NREP: variants seen among roughly 807,000 people sequenced by gnomAD.
NREP encodes neuronal regeneration related protein.
In NREP, 5 loss-of-function variants were observed where a neutral mutation model predicts 8.6. The observed-to-expected ratio is 0.58, with a 90% CI of 0.30 to 1.22. The LOEUF (loss-of-function observed/expected upper bound fraction) is 1.22. Among genes scored for constraint, NREP ranks in the 50% most tolerant of loss-of-function variants. The pLI, the probability that NREP is intolerant of heterozygous loss-of-function variation, is 0.07. For missense variants in NREP, 86 were observed against 82.5 expected, an observed-to-expected ratio of 1.04 and a Z score of -0.17; for synonymous variants, 27 against 28.0, an observed-to-expected ratio of 0.96 and a Z score of 0.11.
At chr5:111,939,048 CAGAT>C (rs1213427872) in intron 2 of NREP, among the ~76,000 whole-genome samples, 1 of 151,994 alleles carries the variant, frequency 6.6e-6, no homozygotes, top group African/African-American at 2.4e-5. Context: ...GATAGACTCA[CAGAT>C]AGATTTTTTG....
At chr5:111,814,175 A>T (rs547331966) in intron 2 of NREP, among the ~76,000 whole-genome samples, 9 of 152,256 alleles carry the variant, frequency 5.9e-5, no homozygotes, top group African/African-American at 2.2e-4. Context: ...AGTTTCAGTT[A>T]TGCAAATATA....
At chr5:111,765,003 C>T (rs547906762) in intron 2 of NREP, among the ~76,000 whole-genome samples, 2 of 152,150 alleles carry the variant, frequency 1.3e-5, no homozygotes, top group South Asian at 2.1e-4. Context: ...AAATGAAGGC[C>T]GTTACATAGG....
upstream of NREP, among the ~76,000 whole-genome samples, chr5:111,762,466 C>G (rs1029179044): frequency 2.0e-5 from 3 of 151,926 alleles, no homozygotes; most frequent in Admixed American, 6.6e-5. Flanking sequence ...CACACCACCC[C>G]CAAAATGTAC....
intron 2 of NREP, among the ~76,000 whole-genome samples, chr5:111,873,695 C>A (rs993745683): frequency 6.6e-6 from 1 of 152,146 alleles, no homozygotes; most frequent in Non-Finnish European, 1.5e-5. Flanking sequence ...TGGGCCTACC[C>A]AAATAATCCA....
intron 2 of NREP, among the ~76,000 whole-genome samples, chr5:111,916,115 T>C (rs1755050355): frequency 6.6e-6 from 1 of 151,976 alleles, no homozygotes; most frequent in Non-Finnish European, 1.5e-5. Context: ...AGAAGCCCAT[T>C]TCAGCTGATT....
At chr5:111,786,242 G>A (rs566905503) in intron 2 of NREP, among the ~76,000 whole-genome samples, 7 of 152,256 alleles carry the variant, frequency 4.6e-5, no homozygotes, top group East Asian at 3.9e-4. Context: ...CCCTTTTGCC[G>A]CCTTGTGAAG....
At chr5:111,844,419 G>C (rs539190029) in intron 2 of NREP, among the ~76,000 whole-genome samples, 1 of 151,300 alleles carries the variant, frequency 6.6e-6, no homozygotes, top group African/African-American at 2.4e-5. Flanking sequence ...TATTTTTACA[G>C]TTAATGAATA....
chr5:111,738,887 G>A (rs1403619089), intron 2 of NREP: 1 of 152,146 alleles, frequency 6.6e-6, no homozygotes, highest in Non-Finnish European at 1.5e-5. Context: ...CTTCTAAGAA[G>A]AGATTAGGAC....
chr5:111,769,239 C>T (rs1453324908), intron 2 of NREP, among the ~76,000 whole-genome samples: 1 of 152,204 alleles, frequency 6.6e-6, no homozygotes, highest in East Asian at 1.9e-4. Flanking sequence ...ATTTATTGAG[C>T]ATCCACTTGC....
intron 2 of NREP, among the ~76,000 whole-genome samples, chr5:111,771,700 T>C (rs1751233775): frequency 6.6e-6 from 1 of 150,838 alleles, no homozygotes; most frequent in Non-Finnish European, 1.5e-5. Context: ...GAGGTGGAGG[T>C]TGTGGTGAGC....
At chr5:111,925,161 A>G (rs1165148447) in intron 2 of NREP, among the ~76,000 whole-genome samples, 1 of 152,090 alleles carries the variant, frequency 6.6e-6, no homozygotes, top group Non-Finnish European at 1.5e-5. Context: ...AGAATCACCC[A>G]GGGCTCCTGG....
At chr5:111,932,312 T>A (rs1755563519) in intron 2 of NREP, among the ~76,000 whole-genome samples, 1 of 151,988 alleles carries the variant, frequency 6.6e-6, no homozygotes, top group African/African-American at 2.4e-5. Flanking sequence ...GAGAAAGAGC[T>A]CATCACAATA....
At chr5:111,787,991 T>G (rs897770073) in intron 2 of NREP, among the ~76,000 whole-genome samples, 9 of 152,066 alleles carry the variant, frequency 5.9e-5, no homozygotes, top group Admixed American at 2.6e-4. Flanking sequence ...CCAGCTACTT[T>G]GGAAGCTGGG....
chr5:111,823,679 T>C (rs575579669), intron 2 of NREP, among the ~76,000 whole-genome samples: 1 of 152,316 alleles, frequency 6.6e-6, no homozygotes, highest in East Asian at 1.9e-4. Flanking sequence ...AAGATTATAG[T>C]CTAAACTGTG....
chr5:111,957,923 T>A (rs190795479), intron 2 of NREP, among the ~76,000 whole-genome samples: 1 of 151,802 alleles, frequency 6.6e-6, no homozygotes, highest in Non-Finnish European at 1.5e-5. Context: ...ATCATCTCAA[T>A]AGATTAACGA....
chr5:111,738,104 G>C (rs76980917), intron 2 of NREP, among the ~76,000 whole-genome samples: 6,942 of 152,194 alleles, frequency 0.046, 217 homozygotes, highest in Non-Finnish European at 0.063. Flanking sequence ...AGTACCTAAA[G>C]GAGATATTTA....
intron 2 of NREP, among the ~76,000 whole-genome samples, chr5:111,806,033 G>A (rs1752133399): frequency 6.6e-6 from 1 of 152,050 alleles, no homozygotes; most frequent in South Asian, 2.1e-4. Flanking sequence ...ATTTTTATTT[G>A]TCAATTAAGA....
At chr5:111,758,599 A>AAGACAC (rs1173037175), upstream of NREP, among the ~76,000 whole-genome samples, 59 of 152,330 alleles carry the variant, frequency 3.9e-4, no homozygotes, top group Non-Finnish European at 7.6e-4. Flanking sequence ...AGAAAAAAAG[A>AAGACAC]TATAAAGGAT....
chr5:111,776,558 C>T (rs1282760445), intron 2 of NREP, among the ~76,000 whole-genome samples: 8 of 152,164 alleles, frequency 5.3e-5, no homozygotes, highest in African/African-American at 1.9e-4. Context: ...TAACTGGAAA[C>T]ATTCCATATG....
Sources: gnomAD v4.1 joint callset for allele counts (sites outside exome capture counted in the v4.1 genomes callset) on GRCh38, gnomAD v4.1.1 for gene constraint, MANE v1.5 for transcripts, NCBI Gene and HGNC (gene_info 2026-07-23, HGNC 2026-07-21) for gene names.